The following ASCC3 variants were observed in gnomAD, a reference collection of about 807,000 sequenced individuals.
ASCC3 encodes ASC-1 complex subunit P200.
In ASCC3, 158 loss-of-function variants were observed where a neutral mutation model predicts 256.3. That is an observed-to-expected ratio of 0.62 (90% CI 0.54 to 0.70). The LOEUF is 0.70. Among genes scored for constraint, ASCC3 ranks in the 30% least tolerant of loss-of-function variants. ASCC3 has a pLI of 0.00. For synonymous variants in ASCC3, 948 were observed against 883.4 expected (o/e 1.07, Z -1.30); for missense variants, 2,259 against 2,626.0 (o/e 0.86, Z 3.05).
chr6:100,690,326 G>A (rs776630846), intron 13 of ASCC3, among the ~76,000 whole-genome samples: 9 of 152,058 alleles, frequency 5.9e-5, no homozygotes, highest in Non-Finnish European at 1.0e-4. Context: ...TATTTTCCAT[G>A]TGAAGTTGTT....
Position 100,679,605 on chromosome 6 carries a change from CTT to C in ASCC3, c.2286+11_2286+12del, listed in dbSNP as rs1189639047. 2.5e-6 allele frequency: 4 copies of C among 1,613,302 alleles called. No homozygotes were observed. Among genetic ancestry groups the C allele is most frequent in the Non-Finnish European group, 3.4e-6 (4 of 1,179,524 alleles). ...TGTTACATGCTTTAGTTCTTGTCCT[CTT>C]TGTTTCTTACCTGTTTTTCTGCAAG... On this transcript the variant is annotated intron_variant, in intron 14 of 41. Transcript: ENST00000369162.
intron 36 of ASCC3, among the ~76,000 whole-genome samples, chr6:100,555,516 G>C (rs1222564939): frequency 1.3e-5 from 2 of 152,010 alleles, no homozygotes; most frequent in African/African-American, 4.8e-5. Context: ...GGAATTTAAG[G>C]GATCTTAAAA....
At chr6:100,561,162 T>C (rs796779362) in intron 36 of ASCC3, among the ~76,000 whole-genome samples, 3 of 151,814 alleles carry the variant, frequency 2.0e-5, no homozygotes, top group African/African-American at 7.2e-5. Flanking sequence ...GGTCTACAAA[T>C]AGCAAAATTG....
rs1331203691 is a variant in ASCC3 at position 100,819,806 on chromosome 6, A to G, written c.802-13926T>C. On this transcript the variant is annotated intron_variant, in intron 4 of 41. Coordinates refer to ENST00000369162, the MANE Select transcript of ASCC3 (RefSeq NM_006828.4). The stretch of plus-strand genomic sequence containing the variant: ...TACCTCTCCCAGTCCACTGACTCAA[A>G]TTTTAATTTCCTTTGGCAACACCCT... Among the ~76,000 whole-genome samples, 10 of 152,112 alleles carry G rather than the reference A, an allele frequency of 6.6e-5. 1 individual carries two copies. Among genetic ancestry groups the G allele is most frequent in the Admixed American group, 6.6e-4 (10 of 15,260 alleles).
At chr6:100,765,432 G>GAATA (rs1027269352) in intron 10 of ASCC3, among the ~76,000 whole-genome samples, 117 of 152,142 alleles carry the variant, frequency 7.7e-4, no homozygotes, top group Admixed American at 7.5e-3. Flanking sequence ...TATTCTCACT[G>GAATA]AATAGATCAG....
chr6:100,583,707 T>C (rs1414645177), intron 36 of ASCC3, among the ~76,000 whole-genome samples: 1 of 152,240 alleles, frequency 6.6e-6, no homozygotes, highest in African/African-American at 2.4e-5. Context: ...TCTTTCTTGC[T>C]TTCTCTTATG....
At chr6:100,568,460 T>C (rs1426425520) in intron 36 of ASCC3, among the ~76,000 whole-genome samples, 1 of 152,086 alleles carries the variant, frequency 6.6e-6, no homozygotes, top group Non-Finnish European at 1.5e-5. Context: ...ATGTGGAGCA[T>C]TTTTTCATGT....
At chr6:100,761,025 G>A (rs1362161357) in intron 10 of ASCC3, among the ~76,000 whole-genome samples, 1 of 152,106 alleles carries the variant, frequency 6.6e-6, no homozygotes, top group African/African-American at 2.4e-5. Context: ...TTACATCTAG[G>A]CAGCTCATAA....
rs150783935 is a variant in ASCC3 at position 100,641,578 on chromosome 6, A to C, written c.3901+1003T>G. Reference sequence around the variant, plus strand: ...TACACTGTTGGTGGGACTGTAAACTAGTTCAACCATTGTGGAAGTCAGTGT... The same window carrying C: ...TACACTGTTGGTGGGACTGTAAACTCGTTCAACCATTGTGGAAGTCAGTGT... On this transcript the variant is annotated intron_variant, in intron 24 of 41. Transcript: ENST00000369162. Among the ~76,000 whole-genome samples the C allele has an allele frequency of 5.5e-4, 84 of 152,310 alleles. 1 individual carries two copies. The highest frequency in any genetic ancestry group is 1.9e-3 in the African/African-American group (80 of 41,560).
At chr6:100,574,838 A>G (rs1279513232) in intron 36 of ASCC3, among the ~76,000 whole-genome samples, 1 of 152,132 alleles carries the variant, frequency 6.6e-6, no homozygotes, top group Non-Finnish European at 1.5e-5. Context: ...CTATCGGGAA[A>G]ATATTTCATT....
Position 100,517,974 on chromosome 6 carries a change from A to C in ASCC3, c.5927+17T>G. On this transcript the variant is annotated intron_variant, in intron 38 of 41. Transcript: ENST00000369162. The stretch of plus-strand genomic sequence containing the variant: ...AAATCAAAACAAAACAATTACATTG[A>C]AAAGTAAAACAATTACTTGAAAAGG... The C allele has an allele frequency of 6.2e-7, 1 of 1,611,126 alleles. No homozygotes were observed. Among genetic ancestry groups the C allele is most frequent in the Non-Finnish European group, 8.5e-7 (1 of 1,177,702 alleles).
At chr6:100,585,963 G>A (rs1198014668) in intron 36 of ASCC3, among the ~76,000 whole-genome samples, 6 of 151,994 alleles carry the variant, frequency 3.9e-5, no homozygotes, top group African/African-American at 7.2e-5. Context: ...AGGAGTACTC[G>A]GCCATGTGAG....
At chr6:100,612,342 T>G (rs1773444108) in intron 30 of ASCC3, among the ~76,000 whole-genome samples, 1 of 152,010 alleles carries the variant, frequency 6.6e-6, no homozygotes, top group African/African-American at 2.4e-5. Flanking sequence ...AATTCTGTCC[T>G]TTTGAATGTG....
chr6:100,622,037 A>G (rs1773977176), intron 30 of ASCC3, among the ~76,000 whole-genome samples: 2 of 152,234 alleles, frequency 1.3e-5, no homozygotes, highest in Middle Eastern at 3.4e-3. Context: ...GAGCTGAAAA[A>G]TGAGAACACA....
intron 36 of ASCC3, among the ~76,000 whole-genome samples, chr6:100,580,489 T>C (rs1170235761): frequency 1.3e-5 from 2 of 151,846 alleles, no homozygotes; most frequent in Admixed American, 1.3e-4. Flanking sequence ...TCTTTTTTTT[T>C]CCAATTTATG....
chr6:100,582,219 C>T (rs1771323125), intron 36 of ASCC3, among the ~76,000 whole-genome samples: 1 of 152,032 alleles, frequency 6.6e-6, no homozygotes, highest in Admixed American at 6.6e-5. Context: ...TACCCATGAG[C>T]ATGGAATGTT....
At chr6:100,629,249 C>A (rs774381154) in intron 26 of ASCC3, 68 bp from the exon 27 acceptor site, 6 of 1,429,566 alleles carry the variant, frequency 4.2e-6, no homozygotes, top group Non-Finnish European at 5.8e-6. Context: ...AATGCAAAAA[C>A]CTATCTCTTT....
At chr6:100,597,248 G>A (rs536466117) in intron 34 of ASCC3, among the ~76,000 whole-genome samples, 41 of 151,964 alleles carry the variant, frequency 2.7e-4, no homozygotes, top group Middle Eastern at 3.4e-3. Flanking sequence ...AAAATCTACC[G>A]TCTCTGCTAA....
Position 100,650,692 on chromosome 6 carries a change from T to C in ASCC3, c.3098A>G (p.Glu1033Gly). ...QIKVREEEIE[E>G]LDTLLSNFCE... ...AAAATTGCTTAATAAGGTATCTAAC[T>C]CCTCTATTTCCTCTTCTCTGACCTA... The change falls in exon 20 of 42, where the codon GAG (glutamate) becomes GGG (glycine). Residue 1033 changes from glutamate to glycine, a missense_variant. Coordinates refer to ENST00000369162, the MANE Select transcript of ASCC3 (RefSeq NM_006828.4). 6.2e-7 allele frequency: 1 copy of C among 1,610,674 alleles called. No homozygotes were observed. The highest frequency in any genetic ancestry group is 8.5e-7 in the Non-Finnish European group (1 of 1,177,438).
Sources: gnomAD v4.1 joint callset for allele counts (sites outside exome capture counted in the v4.1 genomes callset) on GRCh38, gnomAD v4.1.1 for gene constraint, MANE v1.5 for transcripts, NCBI Gene and HGNC (gene_info 2026-07-23, HGNC 2026-07-21) for gene names.